Variants in FSIP1 observed in about 807,000 individuals in gnomAD.
The protein encoded by FSIP1 is fibrous sheath-interacting protein 1.
In FSIP1, 65 loss-of-function variants were observed where a neutral mutation model predicts 60.9. That is an observed-to-expected ratio of 1.07 (90% CI 0.87 to 1.31). The LOEUF is 1.31. Ranked by LOEUF, FSIP1 falls within the 40% of genes most tolerant of loss-of-function variation. The probability of loss-of-function intolerance (pLI) is 0.00; values close to 1 mark genes in which losing one functional copy is unlikely to be tolerated. For synonymous variants in FSIP1, 209 were observed against 221.2 expected (o/e 0.94, Z 0.49); for missense variants, 675 against 665.5 (o/e 1.01, Z -0.16).
intron 8 of FSIP1, among the ~76,000 whole-genome samples, chr15:39,737,436 T>C (rs972411365): frequency 4.6e-5 from 7 of 152,056 alleles, no homozygotes; most frequent in Non-Finnish European, 1.0e-4. Context: ...AAGACTACAC[T>C]GAAATACCAC....
chr15:39,639,720 C>T lies in FSIP1; in HGVS notation c.1189-21475G>A, dbSNP rs549761700. 2.6e-5 allele frequency among the ~76,000 whole-genome samples: 4 copies of T among 152,198 alleles called. No homozygotes were observed. In the South Asian group the frequency reaches 8.3e-4, roughly 32 times the overall value. On this transcript the variant is annotated intron_variant, in intron 10 of 11. Transcript: ENST00000350221. ...AATCACAAATGCAAATAAGAACATA[C>T]TGTAAAGGGTTGAGTATCCAGTAGC...
intron 10 of FSIP1, among the ~76,000 whole-genome samples, chr15:39,634,383 C>T (rs750197807): frequency 3.3e-5 from 5 of 152,180 alleles, no homozygotes; most frequent in Non-Finnish European, 7.3e-5. Flanking sequence ...TAGTCCACCA[C>T]TCCGTTAAAA....
chr15:39,760,333 C>T (rs1595394938), intron 5 of FSIP1, among the ~76,000 whole-genome samples: 4 of 152,056 alleles, frequency 2.6e-5, no homozygotes, highest in East Asian at 1.9e-4. Flanking sequence ...TTTGCATAGT[C>T]TTAAAGCATC....
At chr15:39,671,535 C>T (rs537280385) in intron 10 of FSIP1, among the ~76,000 whole-genome samples, 1 of 152,230 alleles carries the variant, frequency 6.6e-6, no homozygotes, top group African/African-American at 2.4e-5. Context: ...GCTACTACCC[C>T]ACTCCTGGGC....
chr15:39,677,390 C>T (rs991716343), intron 10 of FSIP1, among the ~76,000 whole-genome samples: 1 of 152,086 alleles, frequency 6.6e-6, no homozygotes, highest in African/African-American at 2.4e-5. Context: ...CCCAACTGGG[C>T]TGTGAGTTAA....
intron 10 of FSIP1, among the ~76,000 whole-genome samples, chr15:39,702,171 C>G (rs1244075263): frequency 6.6e-6 from 1 of 151,906 alleles, no homozygotes; most frequent in Admixed American, 6.6e-5. Flanking sequence ...TGTTTCCACT[C>G]GGGGTTAACC....
At chr15:39,743,180 T>G (rs1595685266) in intron 5 of FSIP1, among the ~76,000 whole-genome samples, 1 of 152,180 alleles carries the variant, frequency 6.6e-6, no homozygotes, top group East Asian at 1.9e-4. Flanking sequence ...GACACAAAAA[T>G]ATGAAAATTT....
chr15:39,726,667 A>T lies in FSIP1; in HGVS notation c.972T>A (p.Asp324Glu). ...CTGCAGAGAGTTCTTGGAGTTTTAT[A>T]TCAATTTCAGCAAGCTGCTGATGCT... ...VTQHQQLAEI[D>E]IKLQELSAAS... is the part of the protein sequence containing the mutation. Residue 324 changes from aspartate to glutamate, a missense_variant, in exon 9 of 12, where the codon GAT becomes GAA. Transcript: ENST00000350221. 1 of 1,614,076 alleles carries T rather than the reference A, an allele frequency of 6.2e-7. No homozygotes were observed. The highest frequency in any genetic ancestry group is 8.5e-7 in the Non-Finnish European group (1 of 1,179,968).
chr15:39,778,464 C>T (rs1898136409), intron 1 of FSIP1, among the ~76,000 whole-genome samples: 1 of 152,026 alleles, frequency 6.6e-6, no homozygotes, highest in Admixed American at 6.6e-5. Flanking sequence ...GGTGGGGACT[C>T]AATAACAGAC....
At chr15:39,767,286 C>T (rs1897724257) in intron 3 of FSIP1, among the ~76,000 whole-genome samples, 1 of 152,188 alleles carries the variant, frequency 6.6e-6, no homozygotes, top group Non-Finnish European at 1.5e-5. Flanking sequence ...TTCCCAACTG[C>T]CAATCCTAGC....
chr15:39,634,375 G>A (rs976731933), intron 10 of FSIP1, among the ~76,000 whole-genome samples: 12 of 152,044 alleles, frequency 7.9e-5, no homozygotes, highest in Admixed American at 7.2e-4. Context: ...ACAGGGTTTA[G>A]TCCACCACTC....
chr15:39,698,164 A>C (rs1894897920), intron 10 of FSIP1, among the ~76,000 whole-genome samples: 1 of 133,026 alleles, frequency 7.5e-6, no homozygotes, highest in Admixed American at 8.0e-5. Flanking sequence ...CTGGATTTCA[A>C]ATATATATAT....
chr15:39,643,096 G>C (rs1325742213), intron 10 of FSIP1, among the ~76,000 whole-genome samples: 1 of 152,158 alleles, frequency 6.6e-6, no homozygotes, highest in East Asian at 1.9e-4. Flanking sequence ...CTTTGCACCT[G>C]AGGTTAAAAA....
intron 10 of FSIP1, among the ~76,000 whole-genome samples, chr15:39,700,618 TTACTACAAACA>T: frequency 6.6e-6 from 1 of 152,140 alleles, no homozygotes; most frequent in South Asian, 2.1e-4. Context: ...CCAGAGAAAA[TTACTACAAACA>T]TATGAAGGGA....
At chr15:39,778,957 C>A (rs1055188860) in intron 1 of FSIP1, among the ~76,000 whole-genome samples, 1 of 151,762 alleles carries the variant, frequency 6.6e-6, no homozygotes, top group Admixed American at 6.6e-5. Context: ...ACTTAGTAAG[C>A]GTGATACTAA....
intron 5 of FSIP1, among the ~76,000 whole-genome samples, chr15:39,748,717 G>A (rs973354254): frequency 2.0e-5 from 3 of 152,044 alleles, no homozygotes; most frequent in African/African-American, 7.2e-5. Flanking sequence ...TATAAAAGAA[G>A]AAAGATCTCA....
intron 11 of FSIP1, among the ~76,000 whole-genome samples, chr15:39,607,893 T>C (rs969259888): frequency 6.6e-6 from 1 of 152,064 alleles, no homozygotes; most frequent in Non-Finnish European, 1.5e-5. Context: ...GAGAAGGAGG[T>C]AGAACAGAAA....
At chr15:39,780,074 T>G (rs1048858805) in intron 1 of FSIP1, among the ~76,000 whole-genome samples, 5 of 152,218 alleles carry the variant, frequency 3.3e-5, no homozygotes, top group Non-Finnish European at 5.9e-5. Context: ...TAAGTCAAAA[T>G]TCGGCTTATC....
intron 5 of FSIP1, among the ~76,000 whole-genome samples, chr15:39,742,523 T>C (rs1011987226): frequency 6.6e-6 from 1 of 152,208 alleles, no homozygotes; most frequent in African/African-American, 2.4e-5. Flanking sequence ...AAGACGCCGT[T>C]AACATAAACG....
Sources: gnomAD v4.1 joint callset for allele counts (sites outside exome capture counted in the v4.1 genomes callset) on GRCh38, gnomAD v4.1.1 for gene constraint, MANE v1.5 for transcripts, NCBI Gene and HGNC (gene_info 2026-07-23, HGNC 2026-07-21) for gene names.